ASIC2: variants seen among roughly 807,000 people sequenced by gnomAD.
ASIC2 encodes the protein acid sensing ion channel subunit 2.
ASIC2 carries 25 observed loss-of-function variants against 57.3 expected under a neutral mutation model. The observed-to-expected ratio is 0.44, with a 90% CI of 0.32 to 0.61. ASIC2 has a LOEUF of 0.61. Ranked by LOEUF, ASIC2 falls within the 20% of genes least tolerant of loss-of-function variation. ASIC2 has a pLI of 0.06. For missense variants in ASIC2, 641 were observed against 738.1 expected (o/e 0.87, Z 1.52); for synonymous variants, 319 against 307.5 (o/e 1.04, Z -0.39).
At chr17:33,622,910 G>C (rs16968664) in intron 1 of ASIC2, among the ~76,000 whole-genome samples, 69 of 152,316 alleles carry the variant, frequency 4.5e-4, no homozygotes, top group African/African-American at 1.6e-3. Context: ...ATGAGAAGCA[G>C]GATTTTCTTT....
chr17:33,424,740 G>C (rs997120424), intron 1 of ASIC2, among the ~76,000 whole-genome samples: 1 of 151,856 alleles, frequency 6.6e-6, no homozygotes, highest in Non-Finnish European at 1.5e-5. Flanking sequence ...AAACACACTT[G>C]AATCCCTGCC....
At chr17:33,141,200 C>T (rs1597599669) in intron 1 of ASIC2, among the ~76,000 whole-genome samples, 1 of 152,188 alleles carries the variant, frequency 6.6e-6, no homozygotes, top group Non-Finnish European at 1.5e-5. Flanking sequence ...AAGGACTCCT[C>T]CCCAAGGGTG....
intron 1 of ASIC2, among the ~76,000 whole-genome samples, chr17:34,009,997 G>A (rs895366451): frequency 1.3e-5 from 2 of 152,208 alleles, no homozygotes; most frequent in Non-Finnish European, 2.9e-5. Flanking sequence ...CATCCAGGCG[G>A]AAATGAAATT....
In ASIC2 at chr17:33,112,065, C is replaced by T; in HGVS notation, c.711G>A (p.Val237=). The T allele has an allele frequency of 6.2e-7, 1 of 1,612,744 alleles. No homozygotes were observed. Among genetic ancestry groups the T allele is most frequent in the Non-Finnish European group, 8.5e-7 (1 of 1,179,396 alleles). ...TGTAACACTTCCCATATTTTGTAAACACCTGAAGGAGAGAAGAGAGAGAGA... is the reference window on the plus strand; with the variant it reads ...TGTAACACTTCCCATATTTTGTAAATACCTGAAGGAGAGAAGAGAGAGAGA... ...ELCGPHNFSS[V]FTKYGKCYMF... The change falls in exon 2 of 10, where the codon GTG becomes GTA. Residue 237 remains valine, a splice_region_variant and synonymous_variant. Coordinates refer to ENST00000225823, the MANE Select transcript of ASIC2 (RefSeq NM_183377.2).
intron 1 of ASIC2, among the ~76,000 whole-genome samples, chr17:33,749,542 C>T (rs1414140908): frequency 6.6e-6 from 1 of 152,064 alleles, no homozygotes; most frequent in African/African-American, 2.4e-5. Context: ...AACCTTAGCA[C>T]CAGTTTCATG....
At chr17:33,249,283 G>C (rs901778412) in intron 1 of ASIC2, among the ~76,000 whole-genome samples, 5 of 152,150 alleles carry the variant, frequency 3.3e-5, no homozygotes, top group African/African-American at 1.2e-4. Context: ...TGGGGGCGTG[G>C]TGAGATGTCT....
intron 1 of ASIC2, among the ~76,000 whole-genome samples, chr17:33,899,735 T>C (rs1476315367): frequency 3.3e-5 from 5 of 152,266 alleles, no homozygotes; most frequent in African/African-American, 7.2e-5. Flanking sequence ...AATTTAATCA[T>C]AGCAATATTC....
At chr17:33,777,719 T>G (rs779565350) in intron 1 of ASIC2, among the ~76,000 whole-genome samples, 9 of 152,188 alleles carry the variant, frequency 5.9e-5, no homozygotes, top group Non-Finnish European at 1.2e-4. Context: ...AGGTTAATTA[T>G]AAGCTGGAAA....
chr17:33,898,875 T>C (rs1056627983), intron 1 of ASIC2, among the ~76,000 whole-genome samples: 1 of 152,048 alleles, frequency 6.6e-6, no homozygotes, highest in African/African-American at 2.4e-5. Context: ...GGTTACAGGG[T>C]GCACAAGAAT....
chr17:34,003,543 A>G (rs1906417249), intron 1 of ASIC2: 1 of 152,114 alleles, frequency 6.6e-6, no homozygotes, highest in African/African-American at 2.4e-5. Context: ...TAACACCATT[A>G]TCATCATTAT....
At chr17:33,937,122 G>A (rs1916083168) in intron 1 of ASIC2, among the ~76,000 whole-genome samples, 1 of 152,180 alleles carries the variant, frequency 6.6e-6, no homozygotes, top group Admixed American at 6.5e-5. Flanking sequence ...TCTTTTTGGA[G>A]ATGAAGTCTC....
chr17:33,775,406 G>A (rs1911238505), intron 1 of ASIC2, among the ~76,000 whole-genome samples: 1 of 152,250 alleles, frequency 6.6e-6, no homozygotes. Flanking sequence ...TGAGTGGTAA[G>A]ATACTAAAGC....
At chr17:33,438,262 G>A (rs1035628853) in intron 1 of ASIC2, among the ~76,000 whole-genome samples, 4 of 152,166 alleles carry the variant, frequency 2.6e-5, no homozygotes, top group African/African-American at 9.7e-5. Context: ...GGAGGATAAG[G>A]TAAGCATTTG....
At chr17:33,451,207 C>T (rs1482837387) in intron 1 of ASIC2, among the ~76,000 whole-genome samples, 2 of 151,978 alleles carry the variant, frequency 1.3e-5, no homozygotes, top group East Asian at 3.9e-4. Flanking sequence ...CAGGCACCCA[C>T]CACTACACCT....
intron 1 of ASIC2, among the ~76,000 whole-genome samples, chr17:33,455,189 C>T (rs1278292683): frequency 2.0e-5 from 3 of 152,018 alleles, no homozygotes; most frequent in Admixed American, 6.5e-5. Context: ...ATTATTTTGT[C>T]ATTTTTCCAA....
intron 1 of ASIC2, among the ~76,000 whole-genome samples, chr17:33,912,028 T>C (rs746829334): frequency 7.3e-5 from 11 of 149,942 alleles, no homozygotes; most frequent in Non-Finnish European, 1.3e-4. Flanking sequence ...TAATCTCAGC[T>C]ACTTGGGAGG....
rs144358569 is a variant in ASIC2, at chr17:33,176,853, G to A, written c.709-64786C>T. 1.5e-3 allele frequency among the ~76,000 whole-genome samples: 235 copies of A among 152,260 alleles called. 1 individual carries two copies. The highest frequency in any genetic ancestry group is 5.3e-3 in the African/African-American group (222 of 41,566). On this transcript the variant is annotated intron_variant, in intron 1 of 9. Coordinates refer to ENST00000225823, the MANE Select transcript of ASIC2 (RefSeq NM_183377.2). ...GTCTCATCCCTGAGCACTGTAGAATGGCCACCAAGGGAAGGGTGAGCATGT... is the reference window on the plus strand; with the variant it reads ...GTCTCATCCCTGAGCACTGTAGAATAGCCACCAAGGGAAGGGTGAGCATGT...
intron 1 of ASIC2, among the ~76,000 whole-genome samples, chr17:33,943,254 G>C (rs1205247788): frequency 1.3e-5 from 2 of 152,210 alleles, no homozygotes; most frequent in Non-Finnish European, 2.9e-5. Flanking sequence ...GAAGCGCAGG[G>C]AAGAAGGTTG....
chr17:33,923,038 G>A (rs1249161030), intron 1 of ASIC2, among the ~76,000 whole-genome samples: 3 of 152,170 alleles, frequency 2.0e-5, no homozygotes, highest in Non-Finnish European at 2.9e-5. Context: ...GTTTAGTGGG[G>A]AAGCCTGATG....
Sources: gnomAD v4.1 joint callset for allele counts (sites outside exome capture counted in the v4.1 genomes callset) on GRCh38, gnomAD v4.1.1 for gene constraint, MANE v1.5 for transcripts, NCBI Gene and HGNC (gene_info 2026-07-23, HGNC 2026-07-21) for gene names.